FAM9C: variants seen among roughly 807,000 people sequenced by gnomAD.
FAM9C encodes the protein family with sequence similarity 9 member C.
A neutral mutation model predicts 14.8 loss-of-function variants in FAM9C; 15 were observed. That is an observed-to-expected ratio of 1.02 (90% CI 0.68 to 1.56). The LOEUF (loss-of-function observed/expected upper bound fraction) is 1.56, where lower values mean the gene tolerates loss of function less well. Among genes scored for constraint, FAM9C ranks in the 40% most tolerant of loss-of-function variants. The probability of loss-of-function intolerance (pLI) is 0.00; values close to 1 mark genes in which losing one functional copy is unlikely to be tolerated. For synonymous variants in FAM9C, 45 were observed against 37.5 expected (o/e 1.20, Z -0.74); for missense variants, 116 against 118.0 (o/e 0.98, Z 0.08).
Position 13,043,178 on chromosome X carries a change from A to G in FAM9C, c.132T>C (p.Thr44=), listed in dbSNP as rs140435174. 1.7e-6 allele frequency: 2 copies of G among 1,209,807 alleles called. No homozygotes were observed. Among genetic ancestry groups the G allele is most frequent in the Non-Finnish European group, 1.1e-6 (1 of 895,093 alleles). The change falls in exon 3 of 8, where the codon ACT becomes ACC. Residue 44 remains threonine (T), a synonymous_variant. Transcript: ENST00000380625. ...PVTETKEGDV[T]DEHGERGSFA... is the part of the protein sequence containing the mutation. ...AAGATCCTCTTTCCCCATGCTCATC[A>G]GTTACATCTCCCTCCTTTGTCTCTG... is the stretch of plus-strand genomic sequence containing the variant.
rs776487577 is a variant in FAM9C at position 13,039,930 on chromosome X, T to C, written c.330-14A>G. 7 of 1,172,655 alleles carry C rather than the reference T, an allele frequency of 6.0e-6. No homozygotes were observed. The highest frequency in any genetic ancestry group is 8.1e-6 in the Non-Finnish European group (7 of 869,225). The stretch of plus-strand genomic sequence containing the variant: ...TCACGTTTCTGCCTGTAACACATAA[T>C]AAGTAACAAGGTCATACGTCATAGA... On this transcript the variant is annotated splice_polypyrimidine_tract_variant and intron_variant, in intron 5 of 7. Coordinates refer to ENST00000380625, the MANE Select transcript of FAM9C (RefSeq NM_174901.6).
chrX:13,040,939 T>C lies in FAM9C; in HGVS notation c.215-67A>G, dbSNP rs778260274. On this transcript the variant is annotated intron_variant, in intron 4 of 7. Coordinates refer to ENST00000380625, the MANE Select transcript of FAM9C (RefSeq NM_174901.6). Reference sequence around the variant, plus strand: ...AGTAGTTTCTTTGCATATATTAAAATCAATATGGGACTTGATGGTTCAGCA... The same window carrying C: ...AGTAGTTTCTTTGCATATATTAAAACCAATATGGGACTTGATGGTTCAGCA... 45 of 591,245 alleles carry C rather than the reference T, an allele frequency of 7.6e-5. No homozygotes were observed. The South Asian group carries it at 1.7e-3, about 22-fold the overall frequency. 48.7% of individuals were successfully genotyped at this position (591,245 alleles called of 1,213,427 possible). A position where few individuals can be genotyped will look rare whatever the true frequency, so the allele number is the denominator to read the frequency against.
chrX:13,036,369 CAGT>C (rs1336158856), intron 7 of FAM9C: 1 of 112,084 alleles, frequency 8.9e-6, no homozygotes, highest in African/African-American at 3.2e-5. Flanking sequence ...AAACTGTAAT[CAGT>C]ACATGGAGCT....
rs1248114611 is a variant in FAM9C, at chrX:13,042,533, A to G, written c.214+385T>C. The G allele has an allele frequency of 4.2e-5, 7 of 167,232 alleles. No homozygotes were observed. In the Admixed American group the frequency reaches 4.7e-4, roughly 11 times the overall value. 13.8% of individuals were successfully genotyped at this position (167,232 alleles called of 1,213,427 possible). On this transcript the variant is annotated intron_variant, in intron 4 of 7. Coordinates refer to ENST00000380625, the MANE Select transcript of FAM9C (RefSeq NM_174901.6). The stretch of plus-strand genomic sequence containing the variant: ...CCCCTGTGACACGCAATTTATCTAT[A>G]TAACGAACCTGCACATGTACCCCCA...
At chrX:13,041,058 C>T (rs1264329688) in intron 4 of FAM9C, 186 bp from the exon 5 acceptor site, 3 of 296,166 alleles carry the variant, frequency 1.0e-5, no homozygotes, top group Non-Finnish European at 1.8e-5. Flanking sequence ...TATTAGTATT[C>T]CAATTTCAGT....
intron 5 of FAM9C, chrX:13,040,284 A>G: frequency 4.0e-6 from 3 of 751,995 alleles, no homozygotes; most frequent in Non-Finnish European, 4.7e-6. Flanking sequence ...TTCATCCCGT[A>G]AGATTTCCCG....
At chrX:13,038,104 T>C (rs1244028774) in intron 7 of FAM9C, 2 of 143,708 alleles carry the variant, frequency 1.4e-5, no homozygotes, top group Non-Finnish European at 1.3e-5. Context: ...TCTTCATTAA[T>C]GTGTTCATAA....
intron 6 of FAM9C, 129 bp downstream of exon 6, chrX:13,039,679 T>G: frequency 4.5e-5 from 46 of 1,027,715 alleles, no homozygotes; most frequent in South Asian, 5.7e-5. Context: ...CCCTAGTCCA[T>G]GAGTCCACTA....
Position 13,043,772 on chromosome X carries a change from C to G in FAM9C, c.18G>C (p.Gln6His). 1 of 1,212,549 alleles carries G rather than the reference C, an allele frequency of 8.2e-7. No individual in the cohort carries two copies. Among genetic ancestry groups the G allele is most frequent in the Non-Finnish European group, 1.1e-6 (1 of 895,624 alleles). The change falls in exon 2 of 8, where the codon CAG becomes CAC. Residue 6 changes from glutamine (Q) to histidine (H), a missense_variant. Physicochemically the swap from Gln to His is conservative, Grantham distance 24. Transcript: ENST00000380625. ...GGGCGGCCATAACTTGAACCTCCAA[C>G]TGGTCCTTGGCAGCCATCCTGCTGC... MAAKD[Q>H]LEVQVMAAQE...
intron 4 of FAM9C, chrX:13,041,092 TTGAC>T (rs2147292001): frequency 4.0e-6 from 1 of 252,663 alleles, no homozygotes; most frequent in East Asian, 6.4e-5. Context: ...AATCACTTAA[TTGAC>T]AGATAATGAA....
rs750779607 is a variant in FAM9C, at chrX:13,040,891, T to C, written c.215-19A>G. ...ATGTCAGCTAGATAGTAAATGAATA[T>C]GCATTAAATGTTCATGTTGAAAAGT... On this transcript the variant is annotated intron_variant, in intron 4 of 7. Coordinates refer to ENST00000380625, the MANE Select transcript of FAM9C (RefSeq NM_174901.6). 1.0e-5 allele frequency: 10 copies of C among 982,749 alleles called. No homozygotes were observed. The East Asian group carries it at 2.6e-4, about 26-fold the overall frequency. 81.0% of individuals were successfully genotyped at this position (982,749 alleles called of 1,213,427 possible).
chrX:13,044,321 A>ACC (rs748879259), intron 1 of FAM9C, among the ~76,000 whole-genome samples: 19,202 of 75,890 alleles, frequency 0.25, 2,087 homozygotes, highest in South Asian at 0.42. Context: ...TGACCCCCCG[A>ACC]CCCCCCCCCA....
At chrX:13,043,587 T>C (rs2043547700) in intron 2 of FAM9C, 142 bp downstream of exon 2, 3 of 719,999 alleles carry the variant, frequency 4.2e-6, no homozygotes, top group Non-Finnish European at 6.3e-6. Flanking sequence ...TTTGAAAACC[T>C]GGGGCATCTC....
rs1243066312 is a variant in FAM9C, at chrX:13,038,455, T to G, written c.487A>C (p.Thr163Pro). Residue 163 changes from threonine (T) to proline (P), a missense_variant, in exon 7 of 8, where the codon ACT (threonine) becomes CCT (proline). Thr to Pro is a conservative substitution (Grantham distance 38). Transcript: ENST00000380625. ...QKRWQQDGKG[T>P]ERD ...CGTGTGGTGGCTCAATCTCTTTCAG[T>G]TCCTTTCCCATCTTGTTGCCACCTC... The G allele has an allele frequency of 2.5e-6, 3 of 1,207,068 alleles. No individual in the cohort carries two copies. The highest frequency in any genetic ancestry group is 3.4e-6 in the Non-Finnish European group (3 of 893,704).
Position 13,040,858 on chromosome X carries a change from G to A in FAM9C, c.229C>T (p.His77Tyr), listed in dbSNP as rs2043520076. The A allele has an allele frequency of 2.6e-6, 3 of 1,165,395 alleles. No homozygotes were observed. The highest frequency in any genetic ancestry group is 4.0e-5 in the South Asian group (2 of 49,877). ...ATCCTTTTTCTCTTTGCAGCAAGAT[G>A]CTCTTTAATGTCAGCTAGATAGTAA... ...LEDIAADIKEHLAAKRKRIEK... is the reference protein window; with the variant it reads ...LEDIAADIKEYLAAKRKRIEK... Residue 77 changes from histidine to tyrosine, a missense_variant, in exon 5 of 8, where the codon CAT becomes TAT. By Grantham distance (83) the His-to-Tyr change is moderately conservative (BLOSUM62 2). Coordinates refer to ENST00000380625, the MANE Select transcript of FAM9C (RefSeq NM_174901.6).
chrX:13,036,918 C>CA (rs1220638246), intron 7 of FAM9C: 171 of 94,871 alleles, frequency 1.8e-3, no homozygotes, highest in African/African-American at 3.9e-3. Context: ...TTCAATCGAT[C>CA]AAAAAAAAAA....
intron 1 of FAM9C, among the ~76,000 whole-genome samples, 161 bp from the exon 2 acceptor site, chrX:13,044,018 C>T (rs1439853514): frequency 8.9e-6 from 1 of 112,942 alleles, no homozygotes; most frequent in East Asian, 2.8e-4. Context: ...CCGTCCAGCG[C>T]TTCCCCGGGG....
chrX:13,040,446 A>G (rs1039204685), intron 5 of FAM9C: 1 of 301,902 alleles, frequency 3.3e-6, no homozygotes, highest in African/African-American at 2.8e-5. Flanking sequence ...TCTACAGACT[A>G]AACGTTGAAG....
At chrX:13,038,651 C>T (rs1207385864) in intron 6 of FAM9C, 148 bp from the exon 7 acceptor site, 5 of 469,707 alleles carry the variant, frequency 1.1e-5, no homozygotes, top group Non-Finnish European at 1.7e-5. Flanking sequence ...CAATTGTGTT[C>T]ACCACTCATG....
Sources: gnomAD v4.1 joint callset for allele counts (sites outside exome capture counted in the v4.1 genomes callset) on GRCh38, gnomAD v4.1.1 for gene constraint, MANE v1.5 for transcripts, NCBI Gene and HGNC (gene_info 2026-07-23, HGNC 2026-07-21) for gene names.